Variants in DHX16 observed in about 807,000 individuals in gnomAD.
DHX16 encodes pre-mRNA-splicing factor ATP-dependent RNA helicase DHX16.
A neutral mutation model predicts 131.2 loss-of-function variants in DHX16; 81 were observed. The ratio of observed to expected loss-of-function variants is 0.62; its 90% CI spans 0.52 to 0.74. DHX16 has a LOEUF of 0.74. Among genes scored for constraint, DHX16 ranks in the 30% least tolerant of loss-of-function variants. The pLI is 0.00. For missense variants in DHX16, 980 were observed against 1,363.1 expected, an observed-to-expected ratio of 0.72 and a Z score of 4.43; for synonymous variants, 440 against 520.2, an observed-to-expected ratio of 0.85 and a Z score of 2.10.
Position 30,655,425 on chromosome 6 carries a change from G to C in DHX16, c.2661+10C>G. The C allele has an allele frequency of 1.2e-6, 2 of 1,614,004 alleles. No homozygotes were observed. The highest frequency in any genetic ancestry group is 1.7e-6 in the Non-Finnish European group (2 of 1,180,018). Reference sequence around the variant, plus strand: ...GTGTCTCTCATTCCCACTCACCCAAGCCCAGTGACCTGTGTGTAAACATTT... The same window carrying C: ...GTGTCTCTCATTCCCACTCACCCAACCCCAGTGACCTGTGTGTAAACATTT... On this transcript the variant is annotated intron_variant, in intron 17 of 19. Transcript: ENST00000376442.
intron 4 of DHX16, among the ~76,000 whole-genome samples, chr6:30,666,679 G>T (rs1769069892): frequency 6.6e-6 from 1 of 152,132 alleles, no homozygotes; most frequent in African/African-American, 2.4e-5. Context: ...ATGGTAGTGG[G>T]CACCTGTAAT....
At chr6:30,666,718 G>A (rs1379929802) in intron 4 of DHX16, among the ~76,000 whole-genome samples, 2 of 152,152 alleles carry the variant, frequency 1.3e-5, no homozygotes, top group African/African-American at 2.4e-5. Flanking sequence ...TGAGGCAGGA[G>A]AATCATTTGA....
At position 30,665,817 on chromosome 6, in the gene DHX16, CCT is replaced by C. The variant is rs766151975; in HGVS notation, c.667-86_667-85del. ...ACCAATCCCTACAAGGGAAAAATCC[CCT>C]GACAGGCAGGCATGAGAACCTCAGG... On this transcript the variant is annotated intron_variant, in intron 4 of 19. Coordinates refer to ENST00000376442, the MANE Select transcript of DHX16 (RefSeq NM_003587.5). This position sits in a 1 kb window ranked among gnomAD's most constrained non-coding sequence, Gnocchi z 4.8. 1.4e-4 allele frequency: 213 copies of C among 1,518,192 alleles called. 8 individuals carry two copies. Among genetic ancestry groups the C allele is most frequent in the East Asian group, 9.1e-4 (40 of 44,070 alleles). 94.0% of individuals were successfully genotyped at this position (1,518,192 alleles called of 1,614,324 possible). A position where few individuals can be genotyped will look rare whatever the true frequency, so the allele number is the denominator to read the frequency against.
chr6:30,657,582 C>T (rs1399568113), intron 12 of DHX16, among the ~76,000 whole-genome samples: 1 of 152,062 alleles, frequency 6.6e-6, no homozygotes, highest in Non-Finnish European at 1.5e-5. Flanking sequence ...AAGCCTGGAT[C>T]ACCTACCCCA....
chr6:30,670,431 G>A lies in DHX16; in HGVS notation c.645C>T (p.Ala215=), dbSNP rs1420464242. 13 of 1,611,176 alleles carry A rather than the reference G, an allele frequency of 8.1e-6. No homozygotes were observed. The highest frequency in any genetic ancestry group is 2.2e-5 in the East Asian group (1 of 44,866). The change falls in exon 4 of 20, where the codon GCC becomes GCT. Residue 215 remains alanine, a synonymous_variant. Transcript: ENST00000376442. The surrounding 1 kb of genome is among the most constrained non-coding windows in gnomAD (Gnocchi z 4.4). ...TCACCATGGCCTTCCGGTCTTCCTC[G>A]GCCATCTTGAGGCGCTTCTGAGCCT... is the stretch of plus-strand genomic sequence containing the variant. ...YEEAQKRLKM[A]EEDRKAMVPE...
chr6:30,661,812 C>CA, intron 9 of DHX16: 1 of 717,892 alleles, frequency 1.4e-6, no homozygotes, highest in Non-Finnish European at 2.6e-6. Context: ...GCTCGATGGG[C>CA]AAAAACATCT....
At chr6:30,655,006 A>G in intron 18 of DHX16, 127 bp from the exon 19 acceptor site, 1 of 1,398,934 alleles carries the variant, frequency 7.1e-7, no homozygotes, top group Non-Finnish European at 9.8e-7. Flanking sequence ...AGAACTTCCC[A>G]GGAATGAACC....
chr6:30,660,410 A>G, intron 9 of DHX16, 168 bp from the exon 10 acceptor site: 1 of 505,130 alleles, frequency 2.0e-6, no homozygotes, highest in East Asian at 3.3e-5. Context: ...GTAGAGCAAC[A>G]GAAAGTCAGA....
chr6:30,664,780 T>A (rs1252172668), intron 7 of DHX16, 21 bp downstream of exon 7: 22 of 1,597,748 alleles, frequency 1.4e-5, no homozygotes, highest in Non-Finnish European at 1.9e-5. Context: ...CCTGGCAAGC[T>A]GAAGGGTGAG....
intron 4 of DHX16, among the ~76,000 whole-genome samples, chr6:30,666,131 TCAGA>T (rs1769022106): frequency 6.6e-6 from 1 of 152,166 alleles, no homozygotes; most frequent in South Asian, 2.1e-4. Context: ...CGAAAACAAT[TCAGA>T]CAAAGATAGA....
intron 19 of DHX16, 33 bp downstream of exon 19, chr6:30,654,673 T>G: frequency 1.9e-6 from 3 of 1,587,918 alleles, no homozygotes; most frequent in East Asian, 2.2e-5. Flanking sequence ...CTACATAGTC[T>G]CCACCTGCGT....
Position 30,670,974 on chromosome 6 carries a change from A to G in DHX16, c.447-22T>C, listed in dbSNP as rs751621302. On this transcript the variant is annotated intron_variant, in intron 2 of 19. Coordinates refer to ENST00000376442, the MANE Select transcript of DHX16 (RefSeq NM_003587.5). This position sits in a 1 kb window ranked among gnomAD's most constrained non-coding sequence, Gnocchi z 4.4. ...CCCCCTGCAGCCCATCCAGGGGATT[A>G]AATAAGGGCATAGAGAACACTTCAG... 11 of 1,613,018 alleles carry G rather than the reference A, an allele frequency of 6.8e-6. No homozygotes were observed. The South Asian group carries it at 1.2e-4, about 18-fold the overall frequency.
chr6:30,664,908 A>G lies in DHX16; in HGVS notation c.1210T>C (p.Phe404Leu). The change falls in exon 7 of 20, where the codon TTT becomes CTT. Residue 404 changes from phenylalanine (F) to leucine (L), a missense_variant. Physicochemically the swap from Phe to Leu is conservative, Grantham distance 22. Transcript: ENST00000376442. ...AVRRSLPVFPFREELLAAIAN... is the reference protein window; with the variant it reads ...AVRRSLPVFPLREELLAAIAN... ...ATAGCAGCCAGGAGCTCCTCTCGAA[A>G]TGGGAACACCGGGAGGCTGCGGCGG... is the stretch of plus-strand genomic sequence containing the variant. The G allele has an allele frequency of 6.2e-7, 1 of 1,613,686 alleles. No individual in the cohort carries two copies. The highest frequency in any genetic ancestry group is 8.5e-7 in the Non-Finnish European group (1 of 1,180,010).
At chr6:30,657,921 A>G (rs1157827713) in intron 12 of DHX16, among the ~76,000 whole-genome samples, 1 of 152,208 alleles carries the variant, frequency 6.6e-6, no homozygotes, top group South Asian at 2.1e-4. Context: ...CAAATTGACA[A>G]TATGTATTTA....
chr6:30,658,454 A>C (rs1474029560), intron 12 of DHX16, among the ~76,000 whole-genome samples: 1 of 151,896 alleles, frequency 6.6e-6, no homozygotes, highest in Non-Finnish European at 1.5e-5. Context: ...GAGACAGGAG[A>C]ATCGCTTGAA....
chr6:30,662,521 G>T lies in DHX16; in HGVS notation c.1544+106C>A. The T allele has an allele frequency of 4.2e-6, 4 of 941,916 alleles. No homozygotes were observed. The highest frequency in any genetic ancestry group is 1.4e-5 in the South Asian group (1 of 69,238). The allele number at this position is 941,916 out of a possible 1,614,324, so 58.3% of individuals were successfully genotyped here. On this transcript the variant is annotated intron_variant, in intron 9 of 19. Transcript: ENST00000376442. This position sits in a 1 kb window ranked among gnomAD's most constrained non-coding sequence, Gnocchi z 4.7. ...CGTGGTACCTGGAGGTCAGTTCAAG[G>T]ACCATTTGAACCACAAAGATTCAAG...
In DHX16 at chr6:30,665,623, G is replaced by C. The variant is rs543187031; in HGVS notation, c.777C>G (p.Asp259Glu). 1.9e-6 allele frequency: 3 copies of C among 1,612,816 alleles called. No individual in the cohort carries two copies. The highest frequency in any genetic ancestry group is 1.1e-5 in the South Asian group (1 of 91,082). ...ELADEEFLFG[D>E]VELSRHERQE... ...GCCGCTCGTGCCGGCTCAGCTCCAC[G>C]TCCCCAAAAAGGAACTCCTCATCAG... Residue 259 changes from aspartate to glutamate, a missense_variant, in exon 5 of 20, where the codon GAC becomes GAG. This residue lies in a region of DHX16 where 457 missense variants were observed against 554.8 expected (regional missense o/e 0.82). Coordinates refer to ENST00000376442, the MANE Select transcript of DHX16 (RefSeq NM_003587.5). This position sits in a 1 kb window ranked among gnomAD's most constrained non-coding sequence, Gnocchi z 4.8.
chr6:30,656,239 C>T lies in DHX16; in HGVS notation c.2457G>A (p.Pro819=). Residue 819 remains proline, a synonymous_variant, in exon 16 of 20, where the codon CCG becomes CCA. Coordinates refer to ENST00000376442, the MANE Select transcript of DHX16 (RefSeq NM_003587.5). This position sits in a 1 kb window ranked among gnomAD's most constrained non-coding sequence, Gnocchi z 5.1. ...TCATTTTGGACAGCATGGGGTCCAC[C>T]GGCAGCTCTGCCATCTTTCGACCAG... The part of the protein sequence containing the change: ...TTSGRKMAEL[P]VDPMLSKMIL... 3 of 1,613,534 alleles carry T rather than the reference C, an allele frequency of 1.9e-6. No homozygotes were observed. Among genetic ancestry groups the T allele is most frequent in the East Asian group, 2.2e-5 (1 of 44,872 alleles).
At position 30,654,855 on chromosome 6, in the gene DHX16, G is replaced by C; in HGVS notation, c.2848C>G (p.His950Asp). ...CCACTCCGAGTCAACCGTGCCGTGT[G>C]GTAAAAGTAACCAGCAGTGATGGCC... is the stretch of plus-strand genomic sequence containing the variant. The part of the protein sequence containing the change: ...RKAITAGYFY[H>D]TARLTRSGYR... Residue 950 changes from histidine to aspartate, a missense_variant, in exon 19 of 20, where the codon CAC (histidine) becomes GAC (aspartate). Transcript: ENST00000376442. 1 of 1,612,686 alleles carries C rather than the reference G, an allele frequency of 6.2e-7. No homozygotes were observed. The highest frequency in any genetic ancestry group is 8.5e-7 in the Non-Finnish European group (1 of 1,179,876).
Sources: allele counts gnomAD v4.1 joint callset (sites outside exome capture counted in the v4.1 genomes callset), GRCh38; gene constraint gnomAD v4.1.1; regional missense constraint gnomAD v4.1.1; non-coding constraint Gnocchi (gnomAD v3.1); transcripts MANE v1.5; gene names NCBI Gene and HGNC (gene_info 2026-07-23, HGNC 2026-07-21).